Variants in BEND3 observed in about 807,000 individuals in gnomAD.
The protein encoded by BEND3 is BEN domain-containing protein 3.
A neutral mutation model predicts 60.1 loss-of-function variants in BEND3; 13 were observed. The observed-to-expected ratio is 0.22, with a 90% CI of 0.14 to 0.34. The LOEUF (loss-of-function observed/expected upper bound fraction) is 0.34. BEND3 is among the 10% of genes least tolerant of loss of function. The pLI is 1.00. For synonymous variants in BEND3, 497 were observed against 491.5 expected, an observed-to-expected ratio of 1.01 and a Z score of -0.15; for missense variants, 896 against 1,138.1, an observed-to-expected ratio of 0.79 and a Z score of 3.06.
intron 1 of BEND3, among the ~76,000 whole-genome samples, chr6:107,110,157 G>T (rs1775911578): frequency 6.6e-6 from 1 of 152,198 alleles, no homozygotes; most frequent in African/African-American, 2.4e-5. Flanking sequence ...AACACAGCCA[G>T]ACTCTGTCTT....
chr6:107,098,421 A>G (rs1775632372), intron 3 of BEND3, 130 bp downstream of exon 3: 2 of 864,374 alleles, frequency 2.3e-6, no homozygotes, highest in South Asian at 1.7e-5. Flanking sequence ...GAGATGGGAT[A>G]GCTTAAATGA....
chr6:107,089,493 G>T (rs1203010433), intron 3 of BEND3, among the ~76,000 whole-genome samples: 1 of 151,128 alleles, frequency 6.6e-6, no homozygotes, highest in Admixed American at 6.6e-5. Flanking sequence ...GTCTGAGGCA[G>T]GAGAATGGTG....
In BEND3 at chr6:107,069,678, G is replaced by C; in HGVS notation, c.1513C>G (p.Pro505Ala). The C allele has an allele frequency of 6.2e-7, 1 of 1,609,654 alleles. No individual in the cohort carries two copies. Among genetic ancestry groups the C allele is most frequent in the Non-Finnish European group, 8.5e-7 (1 of 1,180,004 alleles). ...ACCTTGACCACTGAGATGTCGTCGG[G>C]CAGACTGGAGGAGTCGTAGCAGTCA... is the stretch of plus-strand genomic sequence containing the variant. ...RDDCYDSSSL[P>A]DDISVVKVED... The change falls in exon 4 of 4, where the codon CCC (proline) becomes GCC (alanine). Residue 505 changes from proline to alanine, a missense_variant. Physicochemically the swap from Pro to Ala is conservative, Grantham distance 27. Transcript: ENST00000369042.
chr6:107,070,057 C>G lies in BEND3; in HGVS notation c.1134G>C (p.Leu378=), dbSNP rs146269454. 1.1e-4 allele frequency: 185 copies of G among 1,613,726 alleles called. 1 individual carries two copies. The African/African-American group carries it at 2.0e-3, about 17-fold the overall frequency. Residue 378 remains leucine, a synonymous_variant, in exon 4 of 4, where the codon CTG becomes CTC. Coordinates refer to ENST00000369042, the MANE Select transcript of BEND3 (RefSeq NM_001367314.1). The surrounding 1 kb of genome is among the most constrained non-coding windows in gnomAD (Gnocchi z 6.9). Reference sequence around the variant, plus strand: ...CGATGGTGCTGCTCCGGTCAAGAGACAGGGCCTCCTCCTGGTCTTTGTTGT... The same window carrying G: ...CGATGGTGCTGCTCCGGTCAAGAGAGAGGGCCTCCTCCTGGTCTTTGTTGT... ...FLDNKDQEEA[L]SLDRSSTIAS... is the part of the protein sequence containing the mutation.
chr6:107,089,085 C>T (rs1167928910), intron 3 of BEND3, among the ~76,000 whole-genome samples: 3 of 151,346 alleles, frequency 2.0e-5, no homozygotes, highest in African/African-American at 7.3e-5. Context: ...GGTGAAGTTG[C>T]CGAGATCGCC....
At chr6:107,091,796 C>CTAT (rs1775479731) in intron 3 of BEND3, among the ~76,000 whole-genome samples, 1 of 152,146 alleles carries the variant, frequency 6.6e-6, no homozygotes, top group Non-Finnish European at 1.5e-5. Context: ...CTAACTCATT[C>CTAT]TATGAGGCCA....
In BEND3 at chr6:107,069,711, G is replaced by T. The variant is rs1774921731; in HGVS notation, c.1480C>A (p.Pro494Thr). 6.2e-7 allele frequency: 1 copy of T among 1,610,654 alleles called. No homozygotes were observed. The highest frequency in any genetic ancestry group is 1.3e-5 in the African/African-American group (1 of 75,058). The change falls in exon 4 of 4, where the codon CCG becomes ACG. Residue 494 changes from proline to threonine, a missense_variant. Physicochemically the swap from Pro to Thr is conservative, Grantham distance 38 (BLOSUM62 -1). Coordinates refer to ENST00000369042, the MANE Select transcript of BEND3 (RefSeq NM_001367314.1). ...GLDAGSEGDP[P>T]RDDCYDSSSL... ...GAGGAGTCGTAGCAGTCATCACGCG[G>T]GGGGTCGCCTTCACTGCCCGCGTCC...
chr6:107,069,321 G>T lies in BEND3; in HGVS notation c.1870C>A (p.Arg624Ser), dbSNP rs782456273. 6.2e-7 allele frequency: 1 copy of T among 1,613,172 alleles called. No homozygotes were observed. Among genetic ancestry groups the T allele is most frequent in the Admixed American group, 1.7e-5 (1 of 59,950 alleles). Reference protein sequence around the residue: ...IRHYVQLLYPRAKNDRVWTLE... With the variant: ...IRHYVQLLYPSAKNDRVWTLE... The stretch of plus-strand genomic sequence containing the variant: ...GTCCAGACGCGGTCGTTTTTGGCGC[G>T]TGGGTAGAGCAGCTGCACGTAGTGG... Residue 624 changes from arginine to serine, a missense_variant, in exon 4 of 4, where the codon CGC becomes AGC. Arg to Ser is a moderately radical substitution (Grantham distance 110, BLOSUM62 -1). Transcript: ENST00000369042.
At chr6:107,095,338 T>A (rs573432986) in intron 3 of BEND3, among the ~76,000 whole-genome samples, 18 of 151,616 alleles carry the variant, frequency 1.2e-4, no homozygotes, top group East Asian at 5.9e-4. Context: ...AAAAAAAAAA[T>A]TTTTTTTAAA....
intron 3 of BEND3, among the ~76,000 whole-genome samples, chr6:107,071,755 AT>A (rs1457581278): frequency 6.6e-6 from 1 of 152,234 alleles, no homozygotes; most frequent in African/African-American, 2.4e-5. Context: ...CTCAAAATAA[AT>A]AACAAAAAAG....
intron 3 of BEND3, among the ~76,000 whole-genome samples, chr6:107,097,962 AT>A (rs1187446272): frequency 6.6e-6 from 1 of 152,114 alleles, no homozygotes; most frequent in African/African-American, 2.4e-5. Context: ...TAACTTCCTA[AT>A]TTGTTTGGAT....
At position 107,069,203 on chromosome 6, in the gene BEND3, G is replaced by T; in HGVS notation, c.1988C>A (p.Pro663Gln). 6.2e-7 allele frequency: 1 copy of T among 1,612,474 alleles called. No individual in the cohort carries two copies. The highest frequency in any genetic ancestry group is 8.5e-7 in the Non-Finnish European group (1 of 1,179,978). Reference sequence around the variant, plus strand: ...GGTCAAGTCTCTGCACTCAGGGCCCGGCACGTGGACCTTGCGCTGCTGCTG... The same window carrying T: ...GGTCAAGTCTCTGCACTCAGGGCCCTGCACGTGGACCTTGCGCTGCTGCTG... ...SYQQQRKVHV[P>Q]GPECRDLTSY... Residue 663 changes from proline (P) to glutamine (Q), a missense_variant, in exon 4 of 4, where the codon CCG becomes CAG. Transcript: ENST00000369042.
intron 3 of BEND3, 73 bp downstream of exon 3, chr6:107,098,478 C>T (rs1029744112): frequency 2.0e-6 from 3 of 1,519,064 alleles, no homozygotes; most frequent in Admixed American, 3.5e-5. Context: ...ATGCCCAAAA[C>T]AAGAGGGAGA....
chr6:107,079,858 A>T (rs1554233260), intron 3 of BEND3, among the ~76,000 whole-genome samples: 1 of 151,202 alleles, frequency 6.6e-6, no homozygotes, highest in Non-Finnish European at 1.5e-5. Context: ...CTATTTGTTG[A>T]GTAGCTACTG....
At chr6:107,082,302 A>T (rs1288937921) in intron 3 of BEND3, among the ~76,000 whole-genome samples, 1 of 151,976 alleles carries the variant, frequency 6.6e-6, no homozygotes, top group Non-Finnish European at 1.5e-5. Context: ...CATCCCAGCC[A>T]CTCATTCCAG....
At chr6:107,078,386 A>T (rs1219460282) in intron 3 of BEND3, among the ~76,000 whole-genome samples, 1 of 151,660 alleles carries the variant, frequency 6.6e-6, no homozygotes, top group African/African-American at 2.4e-5. Flanking sequence ...TTTCATTCTG[A>T]TAAATGTAGA....
chr6:107,108,802 G>A (rs575813903), intron 1 of BEND3, among the ~76,000 whole-genome samples: 2 of 152,250 alleles, frequency 1.3e-5, no homozygotes, highest in East Asian at 1.9e-4. Context: ...AAAATTAAGA[G>A]GGTTGATTGA....
chr6:107,092,701 A>C lies in BEND3; in HGVS notation c.240+5850T>G, dbSNP rs577963695. Among the ~76,000 whole-genome samples the C allele has an allele frequency of 7.2e-4, 110 of 152,328 alleles. 2 individuals are homozygous for C. The South Asian group carries it at 0.022, about 31-fold the overall frequency. On this transcript the variant is annotated intron_variant, in intron 3 of 3. Transcript: ENST00000369042. The stretch of plus-strand genomic sequence containing the variant: ...AAAATAAAACTGTCTTTCTTTGCAC[A>C]TGACATGATTGTCTATGTAGAACAT...
At position 107,068,865 on chromosome 6, in the gene BEND3, G is replaced by A; in HGVS notation, c.2326C>T (p.Arg776Trp). Reference sequence around the variant, plus strand: ...ACGTAGTGGCGGATGAGCCGCAGCCGCGTGGGGTCCAGTTGCTTCTTGTTG... The same window carrying A: ...ACGTAGTGGCGGATGAGCCGCAGCCACGTGGGGTCCAGTTGCTTCTTGTTG... ...ACNKKQLDPT[R>W]LRLIRHYVEA... is the part of the protein sequence containing the mutation. The change falls in exon 4 of 4, where the codon CGG (arginine) becomes TGG (tryptophan). Residue 776 changes from arginine (R) to tryptophan (W), a missense_variant. By Grantham distance (101) the Arg-to-Trp change is moderately radical (BLOSUM62 -3). Transcript: ENST00000369042. This position sits in a 1 kb window ranked among gnomAD's most constrained non-coding sequence, Gnocchi z 5.8. 2.5e-6 allele frequency: 4 copies of A among 1,613,978 alleles called. No individual in the cohort carries two copies. The highest frequency in any genetic ancestry group is 3.4e-6 in the Non-Finnish European group (4 of 1,180,036).
Sources: allele counts gnomAD v4.1 joint callset (sites outside exome capture counted in the v4.1 genomes callset), GRCh38; gene constraint gnomAD v4.1.1; non-coding constraint Gnocchi (gnomAD v3.1); transcripts MANE v1.5; gene names NCBI Gene and HGNC (gene_info 2026-07-23, HGNC 2026-07-21).